Variants in OPA3 observed in about 807,000 individuals in gnomAD.
OPA3 encodes the protein outer mitochondrial membrane lipid metabolism regulator OPA3, also known as optic atrophy 3 protein.
In OPA3, 6 loss-of-function variants were observed where a neutral mutation model predicts 4.0. That is an observed-to-expected ratio of 1.51 (90% CI 0.83 to 2.99). OPA3 has a LOEUF of 2.99. Ranked by LOEUF, OPA3 falls within the 30% of genes most tolerant of loss-of-function variation. The probability of loss-of-function intolerance (pLI) is 0.00; values close to 1 mark genes in which losing one functional copy is unlikely to be tolerated. For synonymous variants in OPA3, 105 were observed against 117.1 expected (o/e 0.90, Z 0.67); for missense variants, 235 against 256.2 (o/e 0.92, Z 0.56).
Position 45,552,111 on chromosome 19 carries a change from G to A in OPA3, c.*1403C>T, listed in dbSNP as rs948470290. On this transcript the variant is annotated 3_prime_UTR_variant, in exon 2 of 2. Coordinates refer to ENST00000263275, the MANE Select transcript of OPA3 (RefSeq NM_025136.4). ...TCCTGTAGTGCCATTCCAGTGGGTT[G>A]TGCCATAGACTCAAGGATGAGGGGG... The A allele has an allele frequency of 1.0e-5, 10 of 985,382 alleles. No individual in the cohort carries two copies. Among genetic ancestry groups the A allele is most frequent in the African/African-American group, 3.5e-5 (2 of 57,228 alleles). 61.0% of individuals were successfully genotyped at this position (985,382 alleles called of 1,614,324 possible).
chr19:45,541,231 A>T (rs1599953678), intron 1 of OPA3, among the ~76,000 whole-genome samples: 1 of 151,912 alleles, frequency 6.6e-6, no homozygotes, highest in East Asian at 1.9e-4. Context: ...GCCCCTCGGC[A>T]TCACAGCCTC....
At position 45,584,668 on chromosome 19, in the gene OPA3, G is replaced by A. The variant is rs1241537518; in HGVS notation, c.97C>T (p.Arg33Ter). The change falls in exon 1 of 2, where the codon CGA (arginine) becomes TGA (stop). Residue 33 changes from arginine (R) to a stop codon, truncating the protein, a stop_gained. Coordinates refer to ENST00000263275, the MANE Select transcript of OPA3 (RefSeq NM_025136.4). LOFTEE classifies it high-confidence loss of function. Reference sequence around the variant, plus strand: ...ATATAGGTCTTGAAGAACTCGCTTCGGCGGGCGGCCTCCTTAATACGGTTG... The same window carrying A: ...ATATAGGTCTTGAAGAACTCGCTTCAGCGGGCGGCCTCCTTAATACGGTTG... ...LANRIKEAAR[R>*]SEFFKTYICL... 6.2e-7 allele frequency: 1 copy of A among 1,614,188 alleles called. No homozygotes were observed.
chr19:45,565,279 A>G (rs1290430853), intron 1 of OPA3, among the ~76,000 whole-genome samples: 1 of 151,860 alleles, frequency 6.6e-6, no homozygotes, highest in African/African-American at 2.4e-5. Context: ...CTTGGATTGC[A>G]TTATCATGCA....
chr19:45,546,499 C>A lies in OPA3; in HGVS notation c.*7015G>T. The A allele has an allele frequency of 2.1e-6, 1 of 475,186 alleles. No homozygotes were observed. Among genetic ancestry groups the A allele is most frequent in the Non-Finnish European group, 2.7e-6 (1 of 370,660 alleles). The allele number at this position is 475,186 out of a possible 1,614,324, so 29.4% of individuals were successfully genotyped here. ...CACACGATGGATTACATAAACTCTG[C>A]TTTTTTTTTTTTTTGAGACAGGGTC... On this transcript the variant is annotated 3_prime_UTR_variant, in exon 2 of 2. Coordinates refer to ENST00000263275, the MANE Select transcript of OPA3 (RefSeq NM_025136.4).
chr19:45,559,930 C>T (rs899294138), intron 1 of OPA3, among the ~76,000 whole-genome samples: 8 of 152,222 alleles, frequency 5.3e-5, no homozygotes, highest in South Asian at 4.1e-4. Context: ...TTTCTGGATT[C>T]GCAAGCTGAG....
chr19:45,554,138 G>A (rs1176915248), intron 1 of OPA3, among the ~76,000 whole-genome samples: 5 of 152,242 alleles, frequency 3.3e-5, no homozygotes, highest in Admixed American at 6.5e-5. Context: ...ACAGCGCCAA[G>A]TTCATGGACG....
chr19:45,532,958 C>T (rs1189924549), intron 1 of OPA3, among the ~76,000 whole-genome samples: 1 of 151,838 alleles, frequency 6.6e-6, no homozygotes, highest in Non-Finnish European at 1.5e-5. Flanking sequence ...ATGACACCAT[C>T]TCGGCTCACT....
intron 1 of OPA3, among the ~76,000 whole-genome samples, chr19:45,536,258 T>A (rs371902175): frequency 1.0e-3 from 130 of 130,298 alleles, no homozygotes; most frequent in African/African-American, 2.3e-3. Context: ...AAAAAAAAAA[T>A]GTGGGCCGGG....
At chr19:45,556,243 G>C (rs1260863722) in intron 1 of OPA3, among the ~76,000 whole-genome samples, 1 of 151,992 alleles carries the variant, frequency 6.6e-6, no homozygotes, top group Admixed American at 6.6e-5. Context: ...TCCCAGGCTC[G>C]AGTCATCTTC....
intron 1 of OPA3, among the ~76,000 whole-genome samples, chr19:45,556,425 C>G (rs2122448633): frequency 6.6e-6 from 1 of 152,190 alleles, no homozygotes; most frequent in Middle Eastern, 3.4e-3. Context: ...GGCTCCATCA[C>G]AGTTCACTGC....
At chr19:45,568,653 T>C (rs1969617785) in intron 1 of OPA3, among the ~76,000 whole-genome samples, 1 of 152,194 alleles carries the variant, frequency 6.6e-6, no homozygotes, top group African/African-American at 2.4e-5. Context: ...CAGAGGGGCA[T>C]GACTGGTTCC....
chr19:45,570,396 A>C (rs1307533289), intron 1 of OPA3, among the ~76,000 whole-genome samples: 1 of 152,174 alleles, frequency 6.6e-6, no homozygotes, highest in Non-Finnish European at 1.5e-5. Flanking sequence ...AAGAATGTCA[A>C]AGCTGGCTGG....
intron 1 of OPA3, among the ~76,000 whole-genome samples, chr19:45,573,356 C>T (rs545007201): frequency 2.4e-4 from 36 of 152,028 alleles, no homozygotes; most frequent in Non-Finnish European, 4.6e-4. Flanking sequence ...GAGGCTGAGA[C>T]AGGAGAATCA....
At chr19:45,527,484 C>G (rs887510618) in exon 2 of OPA3, 1 of 147,882 alleles carries the variant, frequency 6.8e-6, no homozygotes, top group African/African-American at 2.5e-5. Context: ...TCACAGCTCA[C>G]TGCAGCCTTG....
intron 1 of OPA3, among the ~76,000 whole-genome samples, chr19:45,554,595 C>T (rs1969393329): frequency 6.6e-6 from 1 of 152,184 alleles, no homozygotes; most frequent in African/African-American, 2.4e-5. Context: ...GGAAGGTTCT[C>T]AGCACTTGAG....
chr19:45,534,594 A>G (rs2122380513), intron 1 of OPA3, among the ~76,000 whole-genome samples: 1 of 150,402 alleles, frequency 6.6e-6, no homozygotes, highest in Admixed American at 6.7e-5. Flanking sequence ...CAAGTAAAGA[A>G]AACAATAGAA....
Position 45,550,155 on chromosome 19 carries a change from C to A in OPA3, c.*3359G>T. 1 of 965,514 alleles carries A rather than the reference C, an allele frequency of 1.0e-6. No homozygotes were observed. The highest frequency in any genetic ancestry group is 1.2e-6 in the Non-Finnish European group (1 of 812,396). 59.8% of individuals were successfully genotyped at this position (965,514 alleles called of 1,614,324 possible). ...CAGGGTGACGGAGCTAGACTGTCTCCGAAAGAAAAGAAAAGAAAAAAGAAG... is the reference window on the plus strand; with the variant it reads ...CAGGGTGACGGAGCTAGACTGTCTCAGAAAGAAAAGAAAAGAAAAAAGAAG... On this transcript the variant is annotated 3_prime_UTR_variant, in exon 2 of 2. Coordinates refer to ENST00000263275, the MANE Select transcript of OPA3 (RefSeq NM_025136.4).
chr19:45,553,272 C>T lies in OPA3; in HGVS notation c.*242G>A. On this transcript the variant is annotated 3_prime_UTR_variant, in exon 2 of 2. Coordinates refer to ENST00000263275, the MANE Select transcript of OPA3 (RefSeq NM_025136.4). ...TCCTGCTGGCTGGGACCTTGCAGGT[C>T]GTCCTGGTTTGGAGTGGGGGATAGG... 5 of 1,424,498 alleles carry T rather than the reference C, an allele frequency of 3.5e-6. No individual in the cohort carries two copies. Among genetic ancestry groups the T allele is most frequent in the South Asian group, 1.5e-5 (1 of 66,750 alleles). 88.2% of individuals were successfully genotyped at this position (1,424,498 alleles called of 1,614,324 possible).
At chr19:45,565,009 G>A (rs535215324) in intron 1 of OPA3, among the ~76,000 whole-genome samples, 87 of 149,426 alleles carry the variant, frequency 5.8e-4, no homozygotes, top group African/African-American at 2.0e-3. Context: ...GGCGGATCAC[G>A]AGGTCAAGAG....
Sources: allele counts gnomAD v4.1 joint callset (sites outside exome capture counted in the v4.1 genomes callset), GRCh38; gene constraint gnomAD v4.1.1; transcripts MANE v1.5; gene names NCBI Gene and HGNC (gene_info 2026-07-23, HGNC 2026-07-21).